Variants in PLCB1 observed in about 807,000 individuals in gnomAD.
PLCB1 encodes phospholipase C beta 1, also known as 1-phosphatidylinositol 4,5-bisphosphate phosphodiesterase beta-1.
Under a neutral mutation model 161.8 loss-of-function variants are expected in PLCB1, and 46 were observed. The observed-to-expected ratio is 0.28, with a 90% confidence interval of 0.22 to 0.36. The LOEUF is 0.36. Among genes scored for constraint, PLCB1 ranks in the 10% least tolerant of loss-of-function variants. The pLI, the probability that PLCB1 is intolerant of heterozygous loss-of-function variation, is 1.00. For missense variants in PLCB1, 1,016 were observed against 1,472.5 expected (o/e 0.69, Z 5.07); for synonymous variants, 517 against 503.7 (o/e 1.03, Z -0.35).
chr20:8,826,495 C>CAA (rs5840291), intron 31 of PLCB1, among the ~76,000 whole-genome samples: 1,800 of 122,858 alleles, frequency 0.015, 26 homozygotes, highest in Middle Eastern at 0.035. Flanking sequence ...GACTCCGTCT[C>CAA]AAAAAAAAAA....
chr20:8,188,460 T>C (rs1417842774), intron 2 of PLCB1, among the ~76,000 whole-genome samples: 1 of 152,172 alleles, frequency 6.6e-6, no homozygotes, highest in East Asian at 1.9e-4. Context: ...GTTGGTTACG[T>C]GCAAATGCCT....
intron 3 of PLCB1, among the ~76,000 whole-genome samples, chr20:8,563,469 G>C (rs1276330329): frequency 6.6e-6 from 1 of 151,976 alleles, no homozygotes; most frequent in African/African-American, 2.4e-5. Flanking sequence ...GGAGGTGAAG[G>C]CTGGCTGATG....
intron 12 of PLCB1, among the ~76,000 whole-genome samples, chr20:8,712,786 C>A (rs976749172): frequency 2.6e-5 from 4 of 152,288 alleles, no homozygotes; most frequent in African/African-American, 9.6e-5. Context: ...AAAAACTGAC[C>A]TCTGCCCCAG....
chr20:8,270,475 C>A (rs981622469), intron 2 of PLCB1, among the ~76,000 whole-genome samples: 1 of 152,064 alleles, frequency 6.6e-6, no homozygotes, highest in Non-Finnish European at 1.5e-5. Context: ...TGCAAATCTC[C>A]AAGACTGTTG....
chr20:8,859,814 TA>T (rs1987194496), intron 31 of PLCB1, among the ~76,000 whole-genome samples: 1 of 151,742 alleles, frequency 6.6e-6, no homozygotes, highest in Admixed American at 6.6e-5. Flanking sequence ...ACCTGGAAAA[TA>T]CAGTGGGAGT....
At chr20:8,155,237 G>A (rs140352668) in intron 2 of PLCB1, among the ~76,000 whole-genome samples, 10 of 152,092 alleles carry the variant, frequency 6.6e-5, no homozygotes, top group Admixed American at 1.3e-4. Context: ...TTGTTTACCC[G>A]TGATCCTATA....
At chr20:8,510,372 CTTTTCT>C (rs1983829545) in intron 3 of PLCB1, among the ~76,000 whole-genome samples, 1 of 137,644 alleles carries the variant, frequency 7.3e-6, no homozygotes, top group African/African-American at 2.6e-5. Context: ...TGATCTTTTT[CTTTTCT>C]TTTTCTTTTT....
intron 3 of PLCB1, among the ~76,000 whole-genome samples, chr20:8,521,369 T>G (rs1162585817): frequency 6.6e-6 from 1 of 151,434 alleles, no homozygotes; most frequent in African/African-American, 2.4e-5. Flanking sequence ...GCCTACTACG[T>G]GCTGATGGCC....
intron 2 of PLCB1, chr20:8,248,927 T>C (rs1161976298): frequency 1.3e-5 from 2 of 151,916 alleles, no homozygotes; most frequent in Non-Finnish European, 2.9e-5. Context: ...AATGAATGGA[T>C]AAGCTGAGAG....
At chr20:8,670,320 T>A (rs75444741) in intron 9 of PLCB1, among the ~76,000 whole-genome samples, 2 of 152,358 alleles carry the variant, frequency 1.3e-5, no homozygotes, top group East Asian at 3.9e-4. Flanking sequence ...TGAGAATACT[T>A]TGAAAAACGG....
chr20:8,224,952 A>G (rs2123170380), intron 2 of PLCB1, among the ~76,000 whole-genome samples: 1 of 152,200 alleles, frequency 6.6e-6, no homozygotes, highest in African/African-American at 2.4e-5. Flanking sequence ...TTTTTTAACC[A>G]CTCATTATGG....
chr20:8,173,271 C>T (rs77062038), intron 2 of PLCB1, among the ~76,000 whole-genome samples: 4,697 of 152,204 alleles, frequency 0.031, 259 homozygotes, highest in African/African-American at 0.11. Context: ...CTACAACAAG[C>T]GCTTGGCCCA....
At chr20:8,168,189 T>A (rs147868117) in intron 2 of PLCB1, among the ~76,000 whole-genome samples, 3 of 152,336 alleles carry the variant, frequency 2.0e-5, no homozygotes, top group African/African-American at 7.2e-5. Context: ...GGGAAATAGA[T>A]GCCACCTATT....
chr20:8,169,535 AACTAGG>A (rs1464697617), intron 2 of PLCB1, among the ~76,000 whole-genome samples: 3 of 152,160 alleles, frequency 2.0e-5, no homozygotes. Flanking sequence ...TGTGAATCTG[AACTAGG>A]ACAGGTATTC....
chr20:8,285,693 G>T (rs909203965), intron 2 of PLCB1, among the ~76,000 whole-genome samples: 1 of 152,076 alleles, frequency 6.6e-6, no homozygotes, highest in Non-Finnish European at 1.5e-5. Flanking sequence ...GAAGCTCCAG[G>T]TCAGGAAGAT....
chr20:8,249,828 G>A (rs538400409), intron 2 of PLCB1: 1 of 151,974 alleles, frequency 6.6e-6, no homozygotes, highest in South Asian at 2.1e-4. Context: ...TTTGATTACT[G>A]GCAGATCACT....
At chr20:8,776,585 A>G (rs1472918564) in intron 27 of PLCB1, among the ~76,000 whole-genome samples, 2 of 152,224 alleles carry the variant, frequency 1.3e-5, no homozygotes, top group African/African-American at 2.4e-5. Flanking sequence ...TTGTATATTC[A>G]TAGATACGTA....
At chr20:8,508,352 A>T (rs1983730942) in intron 3 of PLCB1, among the ~76,000 whole-genome samples, 1 of 152,132 alleles carries the variant, frequency 6.6e-6, no homozygotes, top group Admixed American at 6.6e-5. Context: ...TCTTCCTATA[A>T]CTTTTTGAAA....
intron 2 of PLCB1, among the ~76,000 whole-genome samples, chr20:8,308,618 CAA>C (rs71183088): frequency 0.04 from 2,975 of 73,566 alleles, 89 homozygotes; most frequent in African/African-American, 0.13. Flanking sequence ...TTCCGTATAT[CAA>C]AAAAAAAAAA....
Sources: allele counts gnomAD v4.1 joint callset (sites outside exome capture counted in the v4.1 genomes callset), GRCh38; gene constraint gnomAD v4.1.1; transcripts MANE v1.5; gene names NCBI Gene and HGNC (gene_info 2026-07-23, HGNC 2026-07-21).